The following RGP1 variants were observed in gnomAD, a reference collection of about 807,000 sequenced individuals.
RGP1 encodes the protein RAB6A-GEF complex partner protein 2.
RGP1 carries 28 observed loss-of-function variants against 44.5 expected under a neutral mutation model. That is an observed-to-expected ratio of 0.63 (90% CI 0.47 to 0.86). The LOEUF (loss-of-function observed/expected upper bound fraction) is 0.86. Ranked by LOEUF, RGP1 falls within the 40% of genes least tolerant of loss-of-function variation. RGP1 has a pLI of 0.00. For missense variants in RGP1, 417 were observed against 490.7 expected (o/e 0.85, Z 1.42); for synonymous variants, 212 against 196.7 (o/e 1.08, Z -0.65).
Position 35,749,785 on chromosome 9 carries a change from G to C in RGP1, c.30G>C (p.Arg10=). The C allele has an allele frequency of 6.2e-7, 1 of 1,613,876 alleles. No homozygotes were observed. The highest frequency in any genetic ancestry group is 1.1e-5 in the South Asian group (1 of 91,076). The part of the protein sequence containing the change: MIEVVAELS[R]GPVFLAGEAL... ...TTGAAGTGGTAGCAGAGCTCAGCCG[G>C]GGTCCTGTATTTTTGGCTGGGGAGG... The change falls in exon 2 of 9, where the codon CGG becomes CGC. Residue 10 remains arginine, a synonymous_variant. Coordinates refer to ENST00000378078, the MANE Select transcript of RGP1 (RefSeq NM_001080496.3). The surrounding 1 kb of genome is among the most constrained non-coding windows in gnomAD (Gnocchi z 4.4).
the RGP1 span, among the ~76,000 whole-genome samples, chr9:35,788,995 T>G: frequency 7.6e-4 from 115 of 152,306 alleles, 4 homozygotes; most frequent in East Asian, 0.019. Flanking sequence ...TTAAATTTTA[T>G]TTTTAGTTTT....
the RGP1 span, among the ~76,000 whole-genome samples, chr9:35,773,533 G>GC: frequency 6.6e-6 from 1 of 151,000 alleles, no homozygotes; most frequent in East Asian, 1.9e-4. Context: ...GACGGAGGCT[G>GC]CTTTGTCACC....
At chr9:35,763,896 A>AAAG in the RGP1 span, among the ~76,000 whole-genome samples, 9 of 150,264 alleles carry the variant, frequency 6.0e-5, no homozygotes, top group Admixed American at 4.6e-4. Context: ...AAAAAAAAAA[A>AAAG]AAAAGAAAAG....
At chr9:35,750,480 G>A in intron 3 of RGP1, 101 bp downstream of exon 3, 1 of 1,414,222 alleles carries the variant, frequency 7.1e-7, no homozygotes, top group East Asian at 2.3e-5. Context: ...TGTTCTTATA[G>A]TCCCTGTCAT....
chr9:35,789,225 C>T, the RGP1 span, among the ~76,000 whole-genome samples: 1 of 151,880 alleles, frequency 6.6e-6, no homozygotes, highest in Admixed American at 6.6e-5. Flanking sequence ...ACCTTGTTGG[C>T]CAGCCTAGTC....
At chr9:35,765,873 T>C in the RGP1 span, among the ~76,000 whole-genome samples, 8 of 150,456 alleles carry the variant, frequency 5.3e-5, no homozygotes, top group Admixed American at 1.3e-4. Context: ...TTCGCTCTGT[T>C]GCCCAGGCTG....
the RGP1 span, among the ~76,000 whole-genome samples, chr9:35,776,193 C>T: frequency 0.42 from 64,144 of 151,884 alleles, 13,684 homozygotes; most frequent in Middle Eastern, 0.5. Flanking sequence ...CTTGGTGACC[C>T]AGCAGGTGTT....
chr9:35,775,768 A>G, the RGP1 span, among the ~76,000 whole-genome samples: 1 of 152,222 alleles, frequency 6.6e-6, no homozygotes, highest in Admixed American at 6.5e-5. Flanking sequence ...AAAAACAAGC[A>G]AACTCTTTTA....
At chr9:35,781,983 G>GTTTTTTTTTTTTTTTTTTTTTTTTTTT in the RGP1 span, among the ~76,000 whole-genome samples, 1 of 90,656 alleles carries the variant, frequency 1.1e-5, no homozygotes, top group Non-Finnish European at 2.2e-5. Context: ...TATTTCTCTC[G>GTTTTTTTTTTTTTTTTTTTTTTTTTTT]TTTTTTTTTT....
rs1280686396 is a variant in RGP1, at chr9:35,753,588, C to T, written c.*714C>T. 1.6e-5 allele frequency: 21 copies of T among 1,282,668 alleles called. No individual in the cohort carries two copies. The highest frequency in any genetic ancestry group is 2.2e-5 in the Non-Finnish European group (20 of 899,400). The allele number at this position is 1,282,668 out of a possible 1,614,324, so 79.5% of individuals were successfully genotyped here. A position where few individuals can be genotyped will look rare whatever the true frequency, so the allele number is the denominator to read the frequency against. Reference sequence around the variant, plus strand: ...CTGTTCATTCTTACATCACAGCAATCTAGTCACTCCCTGGTCATCCCTCAG... The same window carrying T: ...CTGTTCATTCTTACATCACAGCAATTTAGTCACTCCCTGGTCATCCCTCAG... On this transcript the variant is annotated 3_prime_UTR_variant, in exon 9 of 9. Transcript: ENST00000378078. The surrounding 1 kb of genome is among the most constrained non-coding windows in gnomAD (Gnocchi z 4.2).
In RGP1 at chr9:35,757,759, A is replaced by G. The variant is rs1398028524; in HGVS notation, c.*4885A>G. On this transcript the variant is annotated 3_prime_UTR_variant, in exon 9 of 9. Coordinates refer to ENST00000378078, the MANE Select transcript of RGP1 (RefSeq NM_001080496.3). The stretch of plus-strand genomic sequence containing the variant: ...GAAGGGAGCCTGCTGGTCTCTGTGT[A>G]ACGGATGGCTTAAAAGCAAGGTTGT... 6.6e-6 allele frequency: 1 copy of G among 152,220 alleles called. No homozygotes were observed. The highest frequency in any genetic ancestry group is 1.5e-5 in the Non-Finnish European group (1 of 68,044). The allele number at this position is 152,220 out of a possible 1,614,324, so 9.4% of individuals were successfully genotyped here. A position where few individuals can be genotyped will look rare whatever the true frequency, so the allele number is the denominator to read the frequency against.
chr9:35,750,884 C>T lies in RGP1; in HGVS notation c.382C>T (p.Arg128Trp), dbSNP rs373690510. The part of the protein sequence containing the change: ...VLPIEGPPSF[R>W]GQSVKYVYKL... ...GCCCATAGAGGGACCACCCTCCTTTCGGGGTCAGTCAGTCAAGTACGTCTA... is the reference window on the plus strand; with the variant it reads ...GCCCATAGAGGGACCACCCTCCTTTTGGGGTCAGTCAGTCAAGTACGTCTA... The change falls in exon 5 of 9, where the codon CGG becomes TGG. Residue 128 changes from arginine to tryptophan, a missense_variant. By Grantham distance (101) the Arg-to-Trp change is moderately radical. Coordinates refer to ENST00000378078, the MANE Select transcript of RGP1 (RefSeq NM_001080496.3). The T allele has an allele frequency of 2.2e-5, 36 of 1,614,008 alleles. No homozygotes were observed. The South Asian group carries it at 2.7e-4, about 12-fold the overall frequency.
Position 35,758,222 on chromosome 9 carries a change from G to A in RGP1, c.*5348G>A, listed in dbSNP as rs1264858104. The A allele has an allele frequency of 6.6e-6, 1 of 152,182 alleles. No homozygotes were observed. The highest frequency in any genetic ancestry group is 1.5e-5 in the Non-Finnish European group (1 of 68,032). The allele number at this position is 152,182 out of a possible 1,614,324, so 9.4% of individuals were successfully genotyped here. On this transcript the variant is annotated 3_prime_UTR_variant, in exon 9 of 9. Transcript: ENST00000378078. ...AAATAAAACATTTCTTGGAATGGGA[G>A]CTTTGGACTACAGTATACAGACAAA...
the RGP1 span, among the ~76,000 whole-genome samples, chr9:35,778,537 A>G: frequency 6.6e-6 from 1 of 152,186 alleles, no homozygotes; most frequent in Non-Finnish European, 1.5e-5. Flanking sequence ...AGCTGAATAT[A>G]CAAAAGTGTT....
At chr9:35,787,594 C>T in the RGP1 span, among the ~76,000 whole-genome samples, 1 of 152,306 alleles carries the variant, frequency 6.6e-6, no homozygotes, top group South Asian at 2.1e-4. Flanking sequence ...GATCTACAAC[C>T]ATACTGTGCA....
chr9:35,788,520 T>G, the RGP1 span, among the ~76,000 whole-genome samples: 2 of 151,092 alleles, frequency 1.3e-5, no homozygotes, highest in African/African-American at 4.9e-5. Flanking sequence ...GAGCCGAGAT[T>G]GCGCCACTAC....
rs997955266 is a variant in RGP1, at chr9:35,758,443, C to T, written c.*5569C>T. 2.6e-5 allele frequency: 4 copies of T among 152,184 alleles called. No individual in the cohort carries two copies. Among genetic ancestry groups the T allele is most frequent in the Non-Finnish European group, 1.5e-5 (1 of 68,034 alleles). The allele number at this position is 152,184 out of a possible 1,614,324, so 9.4% of individuals were successfully genotyped here. Reference sequence around the variant, plus strand: ...CTAAAATGGTATTTTGTACTTGTCTCAGAGACGAATTCTGCCATGATCCTT... The same window carrying T: ...CTAAAATGGTATTTTGTACTTGTCTTAGAGACGAATTCTGCCATGATCCTT... On this transcript the variant is annotated 3_prime_UTR_variant, in exon 9 of 9. Transcript: ENST00000378078.
chr9:35,760,671 G>A (rs1436735162), downstream of RGP1, among the ~76,000 whole-genome samples: 5 of 152,138 alleles, frequency 3.3e-5, no homozygotes, highest in East Asian at 3.8e-4. Context: ...AATCAGAAAC[G>A]CTGAAGGTAG....
At chr9:35,782,575 A>C in the RGP1 span, among the ~76,000 whole-genome samples, 1 of 151,966 alleles carries the variant, frequency 6.6e-6, no homozygotes, top group Non-Finnish European at 1.5e-5. Context: ...TCTCCCAAGT[A>C]GCTGGGATCA....
Sources: allele counts gnomAD v4.1 joint callset (sites outside exome capture counted in the v4.1 genomes callset), GRCh38; gene constraint gnomAD v4.1.1; non-coding constraint Gnocchi (gnomAD v3.1); transcripts MANE v1.5; gene names NCBI Gene and HGNC (gene_info 2026-07-23, HGNC 2026-07-21).